The following PPIP5K2 variants were observed in gnomAD, a reference collection of about 807,000 sequenced individuals.
PPIP5K2 encodes the protein diphosphoinositol pentakisphosphate kinase 2, also known as inositol hexakisphosphate and diphosphoinositol-pentakisphosphate kinase 2.
PPIP5K2 carries 105 observed loss-of-function variants against 154.6 expected under a neutral mutation model. That is an observed-to-expected ratio of 0.68 (90% confidence interval 0.58 to 0.80). PPIP5K2 has a LOEUF of 0.80. PPIP5K2 is among the 30% of genes least tolerant of loss of function. The probability of loss-of-function intolerance (pLI) is 0.00; values close to 1 mark genes in which losing one functional copy is unlikely to be tolerated. For missense variants in PPIP5K2, 992 were observed against 1,504.6 expected, an observed-to-expected ratio of 0.66 and a Z score of 5.64; for synonymous variants, 480 against 490.3, an observed-to-expected ratio of 0.98 and a Z score of 0.28.
At chr5:103,176,511 C>G (rs1383379787) in intron 21 of PPIP5K2, among the ~76,000 whole-genome samples, 6 of 151,806 alleles carry the variant, frequency 4.0e-5, no homozygotes, top group African/African-American at 1.5e-4. Flanking sequence ...ATGTCTAAAA[C>G]AGAAATAAAA....
At chr5:103,130,336 CTCA>C (rs782051945) in intron 2 of PPIP5K2, among the ~76,000 whole-genome samples, 2 of 152,028 alleles carry the variant, frequency 1.3e-5, no homozygotes, top group Non-Finnish European at 2.9e-5. Flanking sequence ...ATTTTTCTTA[CTCA>C]TCATTTAATT....
At position 103,210,662 on chromosome 5, in the gene PPIP5K2, C is replaced by T. The variant is rs1380182780; in HGVS notation, c.*9028C>T. ...TTTGAACAATTATTGAGGTAAATAA[C>T]ATACCCTAAAAGTTAGTACTGATTC... On this transcript the variant is annotated 3_prime_UTR_variant, in exon 31 of 31. Transcript: ENST00000358359. 2 of 152,034 alleles carry T rather than the reference C, an allele frequency of 1.3e-5. No individual in the cohort carries two copies. The highest frequency in any genetic ancestry group is 2.4e-5 in the African/African-American group (1 of 41,408). 9.4% of individuals were successfully genotyped at this position (152,034 alleles called of 1,614,324 possible).
intron 23 of PPIP5K2, among the ~76,000 whole-genome samples, chr5:103,179,099 T>C (rs1363660484): frequency 6.6e-6 from 1 of 152,018 alleles, no homozygotes; most frequent in Non-Finnish European, 1.5e-5. Context: ...CTATGAATGA[T>C]GAATAGATTT....
In PPIP5K2 at chr5:103,201,739, G is replaced by T; in HGVS notation, c.*105G>T. 1 of 820,102 alleles carries T rather than the reference G, an allele frequency of 1.2e-6. No individual in the cohort carries two copies. 50.8% of individuals were successfully genotyped at this position (820,102 alleles called of 1,614,324 possible). On this transcript the variant is annotated 3_prime_UTR_variant, in exon 31 of 31. Transcript: ENST00000358359. ...ACTTAAAAATGTTTTTAAATCTAAG[G>T]TTTTCTTTGTTTATGTTCAGGTAAG...
rs1251082538 is a variant in PPIP5K2 at position 103,207,158 on chromosome 5, G to C, written c.*5524G>C. The C allele has an allele frequency of 2.6e-5, 4 of 152,224 alleles. No individual in the cohort carries two copies. Among genetic ancestry groups the C allele is most frequent in the African/African-American group, 9.7e-5 (4 of 41,444 alleles). 9.4% of individuals were successfully genotyped at this position (152,224 alleles called of 1,614,324 possible). A position where few individuals can be genotyped will look rare whatever the true frequency, so the allele number is the denominator to read the frequency against. ...TGTGTTTAAATCTCATGTGGGAAGG[G>C]CACCTTTCCCCTACAAAGCCTGTCA... is the stretch of plus-strand genomic sequence containing the variant. On this transcript the variant is annotated 3_prime_UTR_variant, in exon 31 of 31. Transcript: ENST00000358359.
chr5:103,120,615 G>A (rs1788497125), intron 1 of PPIP5K2, 127 bp downstream of exon 1: 3 of 419,332 alleles, frequency 7.2e-6, no homozygotes, highest in South Asian at 5.1e-5. Context: ...CCACCGAGGG[G>A]CTTGTGCTGG....
intron 3 of PPIP5K2, among the ~76,000 whole-genome samples, chr5:103,135,581 C>T (rs1554203907): frequency 6.6e-6 from 1 of 152,072 alleles, no homozygotes; most frequent in Non-Finnish European, 1.5e-5. Flanking sequence ...CAGGTTGCAC[C>T]ACTACCCTCA....
rs1562532676 is a variant in PPIP5K2 at position 103,209,179 on chromosome 5, T to A, written c.*7545T>A. 1 of 152,172 alleles carries A rather than the reference T, an allele frequency of 6.6e-6. No homozygotes were observed. The allele number at this position is 152,172 out of a possible 1,614,324, so 9.4% of individuals were successfully genotyped here. ...GTTTTTGTTGTAATAGAGTTGTATA[T>A]AGTCCAGATGTCAACCAGGCCTCTT... On this transcript the variant is annotated 3_prime_UTR_variant, in exon 31 of 31. Coordinates refer to ENST00000358359, the MANE Select transcript of PPIP5K2 (RefSeq NM_001276277.3).
intron 5 of PPIP5K2, among the ~76,000 whole-genome samples, chr5:103,139,576 CG>C (rs1368607408): frequency 5.9e-5 from 9 of 152,138 alleles, no homozygotes; most frequent in African/African-American, 1.7e-4. Flanking sequence ...CAAGCCCAAA[CG>C]GTGAAGACTG....
At position 103,187,730 on chromosome 5, in the gene PPIP5K2, T is replaced by C. The variant is rs565269211; in HGVS notation, c.3352+354T>C. Among the ~76,000 whole-genome samples, 731 of 151,998 alleles carry C rather than the reference T, an allele frequency of 4.8e-3. 6 individuals are homozygous for C. Among genetic ancestry groups the C allele is most frequent in the African/African-American group, 0.017 (715 of 41,320 alleles). On this transcript the variant is annotated intron_variant, in intron 28 of 30. Transcript: ENST00000358359. ...TTAATTTTTCTTAATTCTCAATAAC[T>C]TTTTTCTTCCTAATTTTCTGATCAC...
In PPIP5K2 at chr5:103,120,429, T is replaced by C. The variant is rs781975392; in HGVS notation, c.-344T>C. Reference sequence around the variant, plus strand: ...GCCTCCGGGATGAAAGGGGGTAACCTAGACCTGAATGGGCTTGACCATCTC... The same window carrying C: ...GCCTCCGGGATGAAAGGGGGTAACCCAGACCTGAATGGGCTTGACCATCTC... On this transcript the variant is annotated 5_prime_UTR_variant, in exon 1 of 31. Transcript: ENST00000358359. 76 of 456,622 alleles carry C rather than the reference T, an allele frequency of 1.7e-4. No individual in the cohort carries two copies. Among genetic ancestry groups the C allele is most frequent in the Non-Finnish European group, 3.3e-4 (74 of 226,968 alleles). 28.3% of individuals were successfully genotyped at this position (456,622 alleles called of 1,614,324 possible). A position where few individuals can be genotyped will look rare whatever the true frequency, so the allele number is the denominator to read the frequency against.
At chr5:103,184,863 G>A (rs1370568441) in intron 26 of PPIP5K2, 119 bp downstream of exon 26, 3 of 630,420 alleles carry the variant, frequency 4.8e-6, no homozygotes, top group Admixed American at 6.1e-5. Flanking sequence ...TATTTAATGT[G>A]TACTAATTCA....
At chr5:103,151,576 T>C (rs1794656182) in intron 9 of PPIP5K2, among the ~76,000 whole-genome samples, 1 of 152,142 alleles carries the variant, frequency 6.6e-6, no homozygotes, top group East Asian at 1.9e-4. Flanking sequence ...TCAGTATAGA[T>C]GAAAACCTTT....
chr5:103,174,499 G>C (rs1554220390), intron 21 of PPIP5K2, among the ~76,000 whole-genome samples: 2 of 151,900 alleles, frequency 1.3e-5, no homozygotes, highest in African/African-American at 4.8e-5. Context: ...ATAATCTCAA[G>C]GGTTTTCTCT....
rs1314147524 is a variant in PPIP5K2, at chr5:103,204,754, ATCTAATT to A, written c.*3125_*3131del. ...TTATATAGGTCAATTTTTGTGGAAG[ATCTAATT>A]TCTATTTTCAGAGAACAGAGCACAT... On this transcript the variant is annotated 3_prime_UTR_variant, in exon 31 of 31. Coordinates refer to ENST00000358359, the MANE Select transcript of PPIP5K2 (RefSeq NM_001276277.3). 1.3e-5 allele frequency: 2 copies of A among 152,090 alleles called. No individual in the cohort carries two copies. Among genetic ancestry groups the A allele is most frequent in the African/African-American group, 2.4e-5 (1 of 41,402 alleles). The allele number at this position is 152,090 out of a possible 1,614,324, so 9.4% of individuals were successfully genotyped here.
At chr5:103,128,318 A>T (rs138627765) in intron 1 of PPIP5K2, among the ~76,000 whole-genome samples, 2 of 152,272 alleles carry the variant, frequency 1.3e-5, no homozygotes, top group African/African-American at 4.8e-5. Context: ...TTTTAATATG[A>T]CCAGGAAGCA....
intron 19 of PPIP5K2, among the ~76,000 whole-genome samples, chr5:103,170,497 A>G (rs1228810824): frequency 2.0e-5 from 3 of 151,634 alleles, no homozygotes; most frequent in South Asian, 2.1e-4. Context: ...GTTTACATAA[A>G]TCAGTTCTAT....
intron 8 of PPIP5K2, among the ~76,000 whole-genome samples, chr5:103,149,851 C>T (rs1340876274): frequency 1.3e-5 from 2 of 152,020 alleles, no homozygotes; most frequent in African/African-American, 4.8e-5. Flanking sequence ...CACCCACCAC[C>T]ATGCCCGGCT....
chr5:103,153,581 G>C (rs1179627143), intron 10 of PPIP5K2, among the ~76,000 whole-genome samples: 1 of 151,824 alleles, frequency 6.6e-6, no homozygotes, highest in African/African-American at 2.4e-5. Flanking sequence ...TTTTATCCCA[G>C]AGTTAATGTA....
Sources: allele counts gnomAD v4.1 joint callset (sites outside exome capture counted in the v4.1 genomes callset), GRCh38; gene constraint gnomAD v4.1.1; transcripts MANE v1.5; gene names NCBI Gene and HGNC (gene_info 2026-07-23, HGNC 2026-07-21).